ALDH16A1: variants seen among roughly 807,000 people sequenced by gnomAD.
ALDH16A1 encodes aldehyde dehydrogenase 16 family member A1.
Under a neutral mutation model 96.1 loss-of-function variants are expected in ALDH16A1, and 88 were observed. That is an observed-to-expected ratio of 0.92 (90% CI 0.77 to 1.09). The LOEUF is 1.09. Among genes scored for constraint, ALDH16A1 ranks in the 50% least tolerant of loss-of-function variants. The probability of loss-of-function intolerance (pLI) is 0.00; values close to 1 mark genes in which losing one functional copy is unlikely to be tolerated. For missense variants in ALDH16A1, 1,250 were observed against 1,112.6 expected, an observed-to-expected ratio of 1.12 and a Z score of -1.76; for synonymous variants, 522 against 496.4, an observed-to-expected ratio of 1.05 and a Z score of -0.69.
intron 10 of ALDH16A1, 52 bp downstream of exon 10, chr19:49,464,315 A>C: frequency 6.3e-7 from 1 of 1,590,524 alleles, no homozygotes; most frequent in Non-Finnish European, 8.5e-7. Flanking sequence ...TTCCATCTTC[A>C]TCTCCCTTCT....
rs762821506 is a variant in ALDH16A1 at position 49,459,108 on chromosome 19, C to T, written c.320+22C>T. The stretch of plus-strand genomic sequence containing the variant: ...CCAGGTGATGCAGCTGAGGTGTGGA[C>T]CCCGGGAGGCGGGGAACCCCAGCAT... On this transcript the variant is annotated intron_variant, in intron 3 of 16. Transcript: ENST00000293350. This position sits in a 1 kb window ranked among gnomAD's most constrained non-coding sequence, Gnocchi z 4.1. 3 of 1,598,604 alleles carry T rather than the reference C, an allele frequency of 1.9e-6. No individual in the cohort carries two copies. The highest frequency in any genetic ancestry group is 1.7e-5 in the Admixed American group (1 of 58,998).
At chr19:49,464,809 G>A (rs1248420047) in intron 12 of ALDH16A1, 47 bp downstream of exon 12, 12 of 1,609,730 alleles carry the variant, frequency 7.5e-6, no homozygotes, top group Non-Finnish European at 1.0e-5. Flanking sequence ...CGGGGAGAGG[G>A]GAATTGATGC....
In ALDH16A1 at chr19:49,461,875, G is replaced by A. The variant is rs79109084; in HGVS notation, c.760-9G>A. ...CTCCTCCTGCGGCTGAACTGGGGGG[G>A]GTCCCTAGGAAGGGCGTGCCCTTCG... is the stretch of plus-strand genomic sequence containing the variant. On this transcript the variant is annotated splice_polypyrimidine_tract_variant and intron_variant, in intron 6 of 16. Transcript: ENST00000293350. The A allele has an allele frequency of 8.2e-6, 13 of 1,586,176 alleles. No homozygotes were observed. The highest frequency in any genetic ancestry group is 6.8e-5 in the South Asian group (6 of 88,170).
At chr19:49,466,496 A>T (rs1460415346) in intron 14 of ALDH16A1, among the ~76,000 whole-genome samples, 1 of 152,202 alleles carries the variant, frequency 6.6e-6, no homozygotes, top group South Asian at 2.1e-4. Context: ...CGTTCGCCAG[A>T]TGATGGATAG....
Position 49,463,775 on chromosome 19 carries a change from G to A in ALDH16A1, c.1099-79G>A, listed in dbSNP as rs1001570566. The A allele has an allele frequency of 1.2e-5, 16 of 1,350,744 alleles. No individual in the cohort carries two copies. The African/African-American group carries it at 2.2e-4, about 18-fold the overall frequency. 83.7% of individuals were successfully genotyped at this position (1,350,744 alleles called of 1,614,324 possible). ...GGCCTGGACTCCTGGGTCTGAGGGA[G>A]GAGGGGCTGGGGTCCTGCAGTCCTC... On this transcript the variant is annotated intron_variant, in intron 8 of 16. Transcript: ENST00000293350.
chr19:49,461,402 T>C (rs1601025826), intron 5 of ALDH16A1, among the ~76,000 whole-genome samples: 1 of 139,774 alleles, frequency 7.2e-6, no homozygotes, highest in African/African-American at 2.9e-5. Context: ...GGCTGGAGTC[T>C]GGACTCCTGG....
rs866300390 is a variant in ALDH16A1, at chr19:49,466,132, C to A, written c.1787C>A (p.Ala596Glu). Residue 596 changes from alanine (A) to glutamate (E), a missense_variant, in exon 14 of 17, where the codon GCG becomes GAG. Physicochemically the swap from Ala to Glu is moderately radical, Grantham distance 107. Transcript: ENST00000293350. ...CGGGCAGCCCTGCTGTGGGCCCTGG[C>A]GGCTGCACTGGAGCGCCGGAAGTCT... ...GARAALLWAL[A>E]AALERRKSTL... The A allele has an allele frequency of 2.4e-5, 38 of 1,555,254 alleles. No homozygotes were observed. The highest frequency in any genetic ancestry group is 3.3e-5 in the Non-Finnish European group (38 of 1,152,830).
At chr19:49,458,391 G>A in intron 1 of ALDH16A1, 95 bp from the exon 2 acceptor site, 1 of 918,610 alleles carries the variant, frequency 1.1e-6, no homozygotes, top group South Asian at 1.4e-5. Context: ...TGGGGCAGAG[G>A]GAGACAGACG....
rs745704476 is a variant in ALDH16A1 at position 49,463,965 on chromosome 19, C to T, written c.1194+16C>T. 34 of 1,600,042 alleles carry T rather than the reference C, an allele frequency of 2.1e-5. No individual in the cohort carries two copies. The highest frequency in any genetic ancestry group is 5.1e-5 in the Admixed American group (3 of 58,400). On this transcript the variant is annotated intron_variant, in intron 9 of 16. Transcript: ENST00000293350. ...CCAGGTGGAGGTGAGACCCTTAAGG[C>T]TGCAGAGCTCCTACCCACCGCCAGC...
intron 10 of ALDH16A1, 66 bp downstream of exon 10, chr19:49,464,329 T>C: frequency 6.3e-7 from 1 of 1,583,886 alleles, no homozygotes; most frequent in Non-Finnish European, 8.6e-7. Context: ...CCCTTCTCCC[T>C]GGGTCGCTCC....
intron 4 of ALDH16A1, among the ~76,000 whole-genome samples, chr19:49,460,208 C>T (rs1210055823): frequency 6.6e-6 from 1 of 151,974 alleles, no homozygotes; most frequent in Non-Finnish European, 1.5e-5. Context: ...CCACCGTGCC[C>T]GGTCCCCTCA....
rs371448117 is a variant in ALDH16A1, at chr19:49,464,281, G to A, written c.1331+18G>A. On this transcript the variant is annotated intron_variant, in intron 10 of 16. Transcript: ENST00000293350. ...GGCTATGGGTCAGTCTGCGTGGCCC[G>A]GGCGCTCACTCCTCTCCTCATTCTT... 34 of 1,598,476 alleles carry A rather than the reference G, an allele frequency of 2.1e-5. No homozygotes were observed. The highest frequency in any genetic ancestry group is 3.3e-5 in the South Asian group (3 of 90,618).
In ALDH16A1 at chr19:49,470,352, T is replaced by C. The variant is rs919552098; in HGVS notation, c.2294T>C (p.Val765Ala). The C allele has an allele frequency of 5.6e-6, 9 of 1,612,924 alleles. No individual in the cohort carries two copies. Among genetic ancestry groups the C allele is most frequent in the Admixed American group, 5.0e-5 (3 of 59,948 alleles). Residue 765 changes from valine to alanine, a missense_variant, in exon 17 of 17, where the codon GTG (valine) becomes GCG (alanine). Physicochemically the swap from Val to Ala is moderately conservative, Grantham distance 64. Coordinates refer to ENST00000293350, the MANE Select transcript of ALDH16A1 (RefSeq NM_153329.4). ...GCCTCGGCAGGAAACCTCAAACCGG[T>C]GTGGGCGAGCAGGGGCTGCCCGCGG... The part of the protein sequence containing the change: ...EWASAGNLKP[V>A]WASRGCPRAW...
intron 1 of ALDH16A1, among the ~76,000 whole-genome samples, chr19:49,455,139 T>C (rs2079097629): frequency 1.4e-5 from 2 of 144,256 alleles, no homozygotes; most frequent in Non-Finnish European, 3.0e-5. Flanking sequence ...CAAAAATGGC[T>C]GGGCGCAGTG....
rs2079181042 is a variant in ALDH16A1 at position 49,464,475 on chromosome 19, A to G, written c.1390A>G (p.Thr464Ala). The G allele has an allele frequency of 1.2e-6, 2 of 1,612,840 alleles. No individual in the cohort carries two copies. Among genetic ancestry groups the G allele is most frequent in the African/African-American group, 1.3e-5 (1 of 74,900 alleles). Reference sequence around the variant, plus strand: ...CGGCCTCAGAGACCCTTCGGTGCCCACAGGCGGCTGCAAGGAGAGTGGGTG... The same window carrying G: ...CGGCCTCAGAGACCCTTCGGTGCCCGCAGGCGGCTGCAAGGAGAGTGGGTG... ...AHGLRDPSVPTGGCKESGCSW... is the reference protein window; with the variant it reads ...AHGLRDPSVPAGGCKESGCSW... Residue 464 changes from threonine to alanine, a missense_variant, in exon 11 of 17, where the codon ACA becomes GCA. Physicochemically the swap from Thr to Ala is moderately conservative, Grantham distance 58. Transcript: ENST00000293350.
Position 49,458,508 on chromosome 19 carries a change from G to A in ALDH16A1, c.113G>A (p.Arg38Gln), listed in dbSNP as rs779777993. The A allele has an allele frequency of 1.6e-5, 25 of 1,564,592 alleles. No homozygotes were observed. The highest frequency in any genetic ancestry group is 1.1e-4 in the African/African-American group (8 of 73,960). The change falls in exon 2 of 17, where the codon CGG becomes CAG. Residue 38 changes from arginine to glutamine, a missense_variant. Physicochemically the swap from Arg to Gln is conservative, Grantham distance 43. Coordinates refer to ENST00000293350, the MANE Select transcript of ALDH16A1 (RefSeq NM_153329.4). ...CALAWLDTQD[R>Q]CLGHYVNGKW... is the part of the protein sequence containing the mutation. The stretch of plus-strand genomic sequence containing the variant: ...CAGGCCTGGCTGGACACCCAGGACC[G>A]GTGCTTGGGCCACTATGTGAATGGG...
At chr19:49,462,973 A>G (rs1601031269) in intron 8 of ALDH16A1, among the ~76,000 whole-genome samples, 1 of 59,274 alleles carries the variant, frequency 1.7e-5, no homozygotes, top group Non-Finnish European at 3.2e-5. Flanking sequence ...GGTCTGAGGG[A>G]GGAGGGGCTG....
At position 49,468,474 on chromosome 19, in the gene ALDH16A1, G is replaced by C. The variant is rs766785153; in HGVS notation, c.2032G>C (p.Val678Leu). The C allele has an allele frequency of 3.7e-6, 6 of 1,602,616 alleles. No homozygotes were observed. The highest frequency in any genetic ancestry group is 2.2e-5 in the East Asian group (1 of 44,878). ...CPDEWPLLAF[V>L]SLLAPALAYG... is the part of the protein sequence containing the mutation. ...GGACGAGTGGCCCCTGCTTGCCTTC[G>C]TGTCCCTGCTGGCTCCCGCCCTGGC... Residue 678 changes from valine to leucine, a missense_variant, in exon 15 of 17, where the codon GTG (valine) becomes CTG (leucine). Physicochemically the swap from Val to Leu is conservative, Grantham distance 32. Transcript: ENST00000293350. The surrounding 1 kb of genome is among the most constrained non-coding windows in gnomAD (Gnocchi z 4.4).
intron 1 of ALDH16A1, chr19:49,453,624 T>C: frequency 1.9e-6 from 1 of 533,742 alleles, no homozygotes; most frequent in Non-Finnish European, 3.4e-6. Context: ...TCTGTTCCGG[T>C]CTTCCCCACT....
Sources: gnomAD v4.1 joint callset for allele counts (sites outside exome capture counted in the v4.1 genomes callset) on GRCh38, gnomAD v4.1.1 for gene constraint, Gnocchi (gnomAD v3.1) non-coding constraint, MANE v1.5 for transcripts, NCBI Gene and HGNC (gene_info 2026-07-23, HGNC 2026-07-21) for gene names.